Variants in ROBO1 observed in about 807,000 individuals in gnomAD.
ROBO1 encodes the protein roundabout homolog 1.
ROBO1 carries 149 observed loss-of-function variants against 195.9 expected under a neutral mutation model. The observed-to-expected ratio is 0.76, with a 90% CI of 0.67 to 0.87. The LOEUF is 0.87. ROBO1 is among the 40% of genes least tolerant of loss of function. The pLI is 0.00. For synonymous variants in ROBO1, 816 were observed against 733.2 expected (o/e 1.11, Z -1.82); for missense variants, 1,933 against 2,068.3 (o/e 0.93, Z 1.27).
At chr3:78,883,700 G>A (rs1174862109) in intron 4 of ROBO1, among the ~76,000 whole-genome samples, 1 of 152,018 alleles carries the variant, frequency 6.6e-6, no homozygotes, top group Admixed American at 6.6e-5. Flanking sequence ...CTACTATACT[G>A]TTAATAATTT....
rs567640735 is a variant in ROBO1 at position 79,456,170 on chromosome 3, G to C, written c.88+133654C>G. 3.9e-5 allele frequency among the ~76,000 whole-genome samples: 6 copies of C among 152,226 alleles called. No homozygotes were observed. In the East Asian group the frequency reaches 9.6e-4, roughly 24 times the overall value. On this transcript the variant is annotated intron_variant, in intron 2 of 30. Coordinates refer to ENST00000464233, the MANE Select transcript of ROBO1 (RefSeq NM_002941.4). Reference sequence around the variant, plus strand: ...TCATTGAAATGAGAAATTTTAATTAGAAGTTCAAATATCTAATGGAAAAGT... The same window carrying C: ...TCATTGAAATGAGAAATTTTAATTACAAGTTCAAATATCTAATGGAAAAGT...
rs572977303 is a variant in ROBO1 at position 79,361,152 on chromosome 3, G to T, written c.88+228672C>A. On this transcript the variant is annotated intron_variant, in intron 2 of 30. Transcript: ENST00000464233. ...ATCACTAGTCCACAGAAAGATAAAT[G>T]ATAGTTGTATGACCTGAGATAAATA... Among the ~76,000 whole-genome samples, 3 of 152,114 alleles carry T rather than the reference G, an allele frequency of 2.0e-5. No individual in the cohort carries two copies. In the South Asian group the frequency reaches 6.2e-4, roughly 32 times the overall value.
chr3:79,100,436 T>C (rs1286133898), intron 3 of ROBO1, among the ~76,000 whole-genome samples: 1 of 151,714 alleles, frequency 6.6e-6, no homozygotes, highest in East Asian at 1.9e-4. Flanking sequence ...TATACTGCTT[T>C]CATTAGCATG....
chr3:78,647,367 G>A (rs1401287851), intron 20 of ROBO1, among the ~76,000 whole-genome samples: 1 of 152,022 alleles, frequency 6.6e-6, no homozygotes, highest in Non-Finnish European at 1.5e-5. Context: ...TAGAGACAGT[G>A]TGTCTACTTA....
chr3:78,901,836 A>C (rs534098197), intron 4 of ROBO1, among the ~76,000 whole-genome samples: 2 of 152,286 alleles, frequency 1.3e-5, no homozygotes, highest in Admixed American at 6.5e-5. Flanking sequence ...TTTCCATTAG[A>C]GTGGCTACTT....
intron 2 of ROBO1, among the ~76,000 whole-genome samples, chr3:79,413,257 T>TTATA (rs2037856722): frequency 6.6e-6 from 1 of 152,088 alleles, no homozygotes; most frequent in Non-Finnish European, 1.5e-5. Context: ...AGCTCCCTGT[T>TTATA]CTGCAGCAGA....
rs569907846 is a variant in ROBO1, at chr3:79,249,742, A to G, written c.89-124203T>C. On this transcript the variant is annotated intron_variant, in intron 2 of 30. Coordinates refer to ENST00000464233, the MANE Select transcript of ROBO1 (RefSeq NM_002941.4). ...AAGTGTGAGTCCCATCAGCCTAAAT[A>G]TAGCTGTGTTTAATTACGTGGACAT... Among the ~76,000 whole-genome samples the G allele has an allele frequency of 1.9e-3, 291 of 152,344 alleles. 1 individual carries two copies. Among genetic ancestry groups the G allele is most frequent in the African/African-American group, 6.1e-3 (253 of 41,590 alleles).
Position 79,322,529 on chromosome 3 carries a change from G to A in ROBO1, c.89-196990C>T, listed in dbSNP as rs1204912076. ...GGGAATAGACCCTAATACTGTTCCT[G>A]ACAAATGCCTTACCTGCTAGGAAAG... On this transcript the variant is annotated intron_variant, in intron 2 of 30. Transcript: ENST00000464233. 2.6e-5 allele frequency among the ~76,000 whole-genome samples: 4 copies of A among 152,148 alleles called. No individual in the cohort carries two copies. The East Asian group carries it at 5.8e-4, about 22-fold the overall frequency.
At chr3:79,427,308 A>C (rs1276891141) in intron 2 of ROBO1, among the ~76,000 whole-genome samples, 1 of 152,154 alleles carries the variant, frequency 6.6e-6, no homozygotes, top group Admixed American at 6.6e-5. Context: ...TGTTCTGCTC[A>C]AGATGCCTTT....
intron 4 of ROBO1, among the ~76,000 whole-genome samples, chr3:78,794,575 CTTTA>C (rs989370334): frequency 1.3e-5 from 2 of 151,918 alleles, no homozygotes; most frequent in Admixed American, 6.6e-5. Context: ...CTATGACAGT[CTTTA>C]TTTATTTATT....
rs143643339 is a variant in ROBO1, at chr3:78,910,971, G to A, written c.499+27630C>T. ...CTGGGAGTGAGGCCTAGCAATCTAG[G>A]TTTTAAGAAAACATCTAGATGATTC... On this transcript the variant is annotated intron_variant, in intron 4 of 30. Transcript: ENST00000464233. Among the ~76,000 whole-genome samples, 330 of 152,010 alleles carry A rather than the reference G, an allele frequency of 2.2e-3. 1 individual carries two copies. Among genetic ancestry groups the A allele is most frequent in the African/African-American group, 7.6e-3 (317 of 41,512 alleles).
intron 2 of ROBO1, among the ~76,000 whole-genome samples, chr3:79,577,795 C>T (rs1000235822): frequency 6.6e-6 from 1 of 151,288 alleles, no homozygotes; most frequent in Non-Finnish European, 1.5e-5. Context: ...GCCTGTAATC[C>T]CTGCTACTCA....
chr3:79,325,709 A>G (rs947903830), intron 2 of ROBO1, among the ~76,000 whole-genome samples: 4 of 152,184 alleles, frequency 2.6e-5, no homozygotes, highest in African/African-American at 9.7e-5. Flanking sequence ...CACTTCCCCA[A>G]GTGATTTCCT....
At chr3:79,339,392 T>C (rs1490060558) in intron 2 of ROBO1, among the ~76,000 whole-genome samples, 1 of 152,190 alleles carries the variant, frequency 6.6e-6, no homozygotes, top group Non-Finnish European at 1.5e-5. Flanking sequence ...CCCATTTGCT[T>C]ATTCTTCTCA....
chr3:78,918,827 A>G (rs1384584617), intron 4 of ROBO1, among the ~76,000 whole-genome samples: 2 of 152,186 alleles, frequency 1.3e-5, no homozygotes, highest in Non-Finnish European at 2.9e-5. Flanking sequence ...CTCATAGCCC[A>G]CAACCATAAA....
intron 2 of ROBO1, among the ~76,000 whole-genome samples, chr3:79,424,808 T>C (rs952768974): frequency 1.3e-5 from 2 of 152,102 alleles, no homozygotes; most frequent in South Asian, 2.1e-4. Context: ...TGAAGATACG[T>C]TGGGCCAGTT....
chr3:79,176,737 G>A (rs1576776273), intron 2 of ROBO1, among the ~76,000 whole-genome samples: 2 of 152,158 alleles, frequency 1.3e-5, no homozygotes, highest in Admixed American at 1.3e-4. Context: ...TGGGGTTAGA[G>A]GTGTGAGCTG....
chr3:79,050,362 T>C lies in ROBO1; in HGVS notation c.172+75094A>G, dbSNP rs139817645. ...AGAAGAAGTAACTATCCTAAATATA[T>C]ATGCATCCAATACAGAAGCACCCAG... On this transcript the variant is annotated intron_variant, in intron 3 of 30. Transcript: ENST00000464233. Among the ~76,000 whole-genome samples the C allele has an allele frequency of 3.3e-5, 5 of 152,226 alleles. No individual in the cohort carries two copies. The East Asian group carries it at 5.8e-4, about 18-fold the overall frequency.
intron 1 of ROBO1, among the ~76,000 whole-genome samples, chr3:79,652,535 A>G (rs1167351234): frequency 6.6e-6 from 1 of 152,128 alleles, no homozygotes; most frequent in African/African-American, 2.4e-5. Context: ...GTACAGGATT[A>G]ACAGAAGAAT....
Sources: allele counts gnomAD v4.1 joint callset (sites outside exome capture counted in the v4.1 genomes callset), GRCh38; gene constraint gnomAD v4.1.1; transcripts MANE v1.5; gene names NCBI Gene and HGNC (gene_info 2026-07-23, HGNC 2026-07-21).